CACHD1: variants seen among roughly 807,000 people sequenced by gnomAD.
CACHD1 encodes the protein cache domain containing 1.
A neutral mutation model predicts 138.7 loss-of-function variants in CACHD1; 71 were observed. That is an observed-to-expected ratio of 0.51 (90% confidence interval 0.42 to 0.62). The LOEUF is 0.62. Ranked by LOEUF, CACHD1 falls within the 20% of genes least tolerant of loss-of-function variation. CACHD1 has a pLI of 0.00. For synonymous variants in CACHD1, 578 were observed against 591.5 expected, an observed-to-expected ratio of 0.98 and a Z score of 0.33; for missense variants, 1,389 against 1,625.3, an observed-to-expected ratio of 0.85 and a Z score of 2.50.
chr1:64,652,134 T>C (rs1345895289), intron 9 of CACHD1, 27 bp from the exon 10 acceptor site: 1 of 1,582,326 alleles, frequency 6.3e-7, no homozygotes, highest in Admixed American at 1.8e-5. Context: ...TGCTGGTCTT[T>C]AGATTTATTT....
chr1:64,563,666 C>G (rs1646859296), intron 2 of CACHD1: 1 of 152,126 alleles, frequency 6.6e-6, no homozygotes, highest in Non-Finnish European at 1.5e-5. Flanking sequence ...AATTTTGGAG[C>G]TGGTATACTC....
intron 1 of CACHD1, among the ~76,000 whole-genome samples, chr1:64,533,995 C>T (rs990174318): frequency 7.9e-5 from 12 of 151,412 alleles, no homozygotes; most frequent in African/African-American, 2.4e-5. Flanking sequence ...CCTCGTTATC[C>T]ACCTGCCTTG....
chr1:64,632,234 C>T (rs1648331360), intron 5 of CACHD1, among the ~76,000 whole-genome samples: 2 of 112,924 alleles, frequency 1.8e-5, no homozygotes, highest in Non-Finnish European at 3.4e-5. Context: ...GGTTAAAGAA[C>T]ACTAACATCC....
intron 2 of CACHD1, among the ~76,000 whole-genome samples, chr1:64,569,798 C>G (rs770369559): frequency 3.3e-5 from 5 of 152,018 alleles, no homozygotes; most frequent in South Asian, 2.1e-4. Flanking sequence ...CTCAAATAGT[C>G]AAACTTCATT....
chr1:64,493,433 AT>A (rs1256405860), intron 1 of CACHD1, among the ~76,000 whole-genome samples: 3 of 152,214 alleles, frequency 2.0e-5, no homozygotes, highest in African/African-American at 7.2e-5. Context: ...CACACATTTT[AT>A]TGGAAAATTA....
At chr1:64,476,601 T>G (rs1217887208) in intron 1 of CACHD1, among the ~76,000 whole-genome samples, 3 of 152,222 alleles carry the variant, frequency 2.0e-5, no homozygotes, top group African/African-American at 7.2e-5. Flanking sequence ...AAGAAAACTG[T>G]CCATTGACGG....
At chr1:64,656,212 A>G (rs769449565) in intron 12 of CACHD1, among the ~76,000 whole-genome samples, 1 of 152,190 alleles carries the variant, frequency 6.6e-6, no homozygotes, top group African/African-American at 2.4e-5. Flanking sequence ...AAATGAAACT[A>G]TTTGAGAAAC....
chr1:64,632,987 A>C (rs547245441), intron 6 of CACHD1, among the ~76,000 whole-genome samples: 1 of 152,322 alleles, frequency 6.6e-6, no homozygotes, highest in East Asian at 1.9e-4. Context: ...TCTAACACAA[A>C]GCCTATTTTA....
intron 26 of CACHD1, among the ~76,000 whole-genome samples, chr1:64,688,592 C>T (rs1650440775): frequency 2.6e-5 from 4 of 152,106 alleles, no homozygotes; most frequent in South Asian, 4.1e-4. Flanking sequence ...GCCATCTCCT[C>T]GAGGCCCATG....
intron 4 of CACHD1, among the ~76,000 whole-genome samples, chr1:64,614,629 G>A (rs1359408695): frequency 6.6e-5 from 10 of 151,672 alleles, no homozygotes; most frequent in Non-Finnish European, 1.5e-5. Context: ...CTGCCTGTGT[G>A]TTGCTCTTGT....
At chr1:64,630,393 C>T (rs1399397563) in intron 5 of CACHD1, among the ~76,000 whole-genome samples, 2 of 151,834 alleles carry the variant, frequency 1.3e-5, no homozygotes, top group East Asian at 1.9e-4. Context: ...CTCTGCCTCC[C>T]GGGTTCAAGC....
At chr1:64,641,102 C>G (rs1410763687) in intron 7 of CACHD1, among the ~76,000 whole-genome samples, 1 of 151,526 alleles carries the variant, frequency 6.6e-6, no homozygotes, top group Non-Finnish European at 1.5e-5. Flanking sequence ...CACCTTTTTG[C>G]TGATAGTCTT....
Position 64,664,669 on chromosome 1 carries a change from A to G in CACHD1, c.2266A>G (p.Arg756Gly). 1 of 1,614,080 alleles carries G rather than the reference A, an allele frequency of 6.2e-7. No individual in the cohort carries two copies. The highest frequency in any genetic ancestry group is 1.1e-5 in the South Asian group (1 of 91,046). Reference sequence around the variant, plus strand: ...CATGGACAAAGCATTTGATCCCACTAGGAGACAATGGTGAGTTTTAGGGGC... The same window carrying G: ...CATGGACAAAGCATTTGATCCCACTGGGAGACAATGGTGAGTTTTAGGGGC... ...SLMDKAFDPT[R>G]RQWYLHAVAN... Residue 756 changes from arginine (R) to glycine (G), a missense_variant, in exon 15 of 27, where the codon AGG becomes GGG. Physicochemically the swap from Arg to Gly is moderately radical, Grantham distance 125 (BLOSUM62 -2). This residue lies in a region of CACHD1 where 1,000 missense variants were observed against 1,114.7 expected (regional missense o/e 0.90). Transcript: ENST00000651257.
chr1:64,643,987 CA>C, intron 8 of CACHD1, among the ~76,000 whole-genome samples: 1 of 152,378 alleles, frequency 6.6e-6, no homozygotes, highest in South Asian at 2.1e-4. Flanking sequence ...CTAATTCTGA[CA>C]AGCATGTCTC....
At chr1:64,593,371 A>G (rs560661400) in intron 3 of CACHD1, among the ~76,000 whole-genome samples, 95 of 152,340 alleles carry the variant, frequency 6.2e-4, no homozygotes, top group African/African-American at 2.2e-3. Flanking sequence ...GGTAGTGCAC[A>G]TGGAAAATAT....
In CACHD1 at chr1:64,691,906, G is replaced by A. The variant is rs74080498; in HGVS notation, c.*345G>A. On this transcript the variant is annotated 3_prime_UTR_variant, in exon 27 of 27. Coordinates refer to ENST00000651257, the MANE Select transcript of CACHD1 (RefSeq NM_020925.4). ...AGAGGAATGTTCCAAAGAGCCAGAA[G>A]CATTCAGCTCTCCTTAACTGGAAGA... 1,017 of 286,440 alleles carry A rather than the reference G, an allele frequency of 3.6e-3. 10 individuals carry two copies. Among genetic ancestry groups the A allele is most frequent in the African/African-American group, 0.018 (850 of 47,196 alleles). The allele number at this position is 286,440 out of a possible 1,614,324, so 17.7% of individuals were successfully genotyped here.
chr1:64,498,118 CTCTGT>C lies in CACHD1; in HGVS notation c.198+27179_198+27183del, dbSNP rs1224336102. On this transcript the variant is annotated intron_variant, in intron 1 of 26. Coordinates refer to ENST00000651257, the MANE Select transcript of CACHD1 (RefSeq NM_020925.4). ...CTCCAGTCTGGGTGACAGAGCAAGA[CTCTGT>C]TCCTAAAACAAAACAAAAGAGTGTG... Among the ~76,000 whole-genome samples, 12 of 152,308 alleles carry C rather than the reference CTCTGT, an allele frequency of 7.9e-5. 1 individual carries two copies. Among genetic ancestry groups the C allele is most frequent in the African/African-American group, 2.9e-4 (12 of 41,572 alleles).
At chr1:64,675,249 G>A (rs1346490712) in intron 19 of CACHD1, 152 bp from the exon 20 acceptor site, 1 of 531,684 alleles carries the variant, frequency 1.9e-6, no homozygotes, top group Non-Finnish European at 3.2e-6. Flanking sequence ...ATTTTTAACA[G>A]TGACTATATA....
intron 1 of CACHD1, among the ~76,000 whole-genome samples, chr1:64,531,938 A>G (rs1646590614): frequency 1.3e-5 from 2 of 152,212 alleles, no homozygotes; most frequent in African/African-American, 4.8e-5. Flanking sequence ...GCCACTATAT[A>G]CTGTGAATTG....
Sources: gnomAD v4.1 joint callset for allele counts (sites outside exome capture counted in the v4.1 genomes callset) on GRCh38, gnomAD v4.1.1 for gene constraint, gnomAD v4.1.1 regional missense constraint, MANE v1.5 for transcripts, NCBI Gene and HGNC (gene_info 2026-07-23, HGNC 2026-07-21) for gene names.